The following AHCYL2 variants were observed in gnomAD, a reference collection of about 807,000 sequenced individuals.
The protein encoded by AHCYL2 is adenosylhomocysteinase like 2.
Under a neutral mutation model 81.4 loss-of-function variants are expected in AHCYL2, and 28 were observed. The observed-to-expected ratio is 0.34, with a 90% CI of 0.25 to 0.47. The LOEUF is 0.47. Among genes scored for constraint, AHCYL2 ranks in the 20% least tolerant of loss-of-function variants. The pLI is 1.00. For missense variants in AHCYL2, 551 were observed against 785.1 expected, an observed-to-expected ratio of 0.70 and a Z score of 3.56; for synonymous variants, 272 against 290.2, an observed-to-expected ratio of 0.94 and a Z score of 0.64.
chr7:129,292,159 C>T (rs1796889350), intron 1 of AHCYL2, among the ~76,000 whole-genome samples: 1 of 152,070 alleles, frequency 6.6e-6, no homozygotes, highest in South Asian at 2.1e-4. Context: ...AATTTGCTTA[C>T]CATCACTTTC....
intron 2 of AHCYL2, among the ~76,000 whole-genome samples, chr7:129,382,165 A>G (rs1442878976): frequency 1.3e-5 from 2 of 152,256 alleles, no homozygotes; most frequent in African/African-American, 4.8e-5. Flanking sequence ...GTTATATACA[A>G]TGATAGAAAA....
chr7:129,409,960 G>A (rs1308518290), intron 11 of AHCYL2, among the ~76,000 whole-genome samples: 1 of 150,444 alleles, frequency 6.6e-6, no homozygotes, highest in African/African-American at 2.5e-5. Context: ...AGCTTAGAGT[G>A]CAAGTGAAGC....
At chr7:129,240,684 A>G (rs1413758336) in intron 1 of AHCYL2, among the ~76,000 whole-genome samples, 1 of 151,572 alleles carries the variant, frequency 6.6e-6, no homozygotes, top group Non-Finnish European at 1.5e-5. Flanking sequence ...ATTGCTGGTT[A>G]AGCAGAGTTT....
intron 11 of AHCYL2, chr7:129,410,161 T>C (rs1460307615): frequency 1.9e-6 from 3 of 1,605,330 alleles, no homozygotes; most frequent in Non-Finnish European, 2.6e-6. Context: ...TGGGCTTGGG[T>C]TGGGGTTTAT....
At chr7:129,261,534 A>G (rs1051929002) in intron 1 of AHCYL2, among the ~76,000 whole-genome samples, 10 of 152,212 alleles carry the variant, frequency 6.6e-5, no homozygotes, top group African/African-American at 2.2e-4. Flanking sequence ...CTCTTAGTCT[A>G]ATACTTTTGT....
chr7:129,319,825 G>T (rs1477635375), intron 1 of AHCYL2, among the ~76,000 whole-genome samples: 1 of 152,140 alleles, frequency 6.6e-6, no homozygotes, highest in South Asian at 2.1e-4. Context: ...TGGACATTTG[G>T]GTGGTTTTCA....
At chr7:129,345,174 AG>A (rs1336618238) in intron 1 of AHCYL2, among the ~76,000 whole-genome samples, 4 of 152,136 alleles carry the variant, frequency 2.6e-5, no homozygotes, top group African/African-American at 7.2e-5. Context: ...TCAGTGGGAG[AG>A]GGTAAGAAGG....
chr7:129,243,307 G>A (rs1794932574), intron 1 of AHCYL2, among the ~76,000 whole-genome samples: 1 of 152,012 alleles, frequency 6.6e-6, no homozygotes, highest in South Asian at 2.1e-4. Flanking sequence ...ACAGGCGTGA[G>A]CCACCATGCC....
intron 1 of AHCYL2, chr7:129,375,858 G>A (rs1343328591): frequency 2.0e-6 from 3 of 1,535,804 alleles, no homozygotes; most frequent in African/African-American, 1.4e-5. Context: ...CAGTGGGGCT[G>A]GTAATGTCAC....
intron 1 of AHCYL2, among the ~76,000 whole-genome samples, chr7:129,254,688 C>A (rs1204257421): frequency 6.6e-6 from 1 of 152,170 alleles, no homozygotes; most frequent in Non-Finnish European, 1.5e-5. Flanking sequence ...CTGTGGATCA[C>A]TTTGGCTTTT....
chr7:129,390,846 C>T (rs1584870042), intron 4 of AHCYL2, among the ~76,000 whole-genome samples: 1 of 152,280 alleles, frequency 6.6e-6, no homozygotes, highest in African/African-American at 2.4e-5. Flanking sequence ...TTTGCTTACA[C>T]CAGTGATTCC....
At chr7:129,350,032 A>G (rs757588719) in intron 1 of AHCYL2, among the ~76,000 whole-genome samples, 4 of 152,224 alleles carry the variant, frequency 2.6e-5, no homozygotes, top group Non-Finnish European at 5.9e-5. Flanking sequence ...TTACTCAGAA[A>G]CATTTGTCCC....
intron 1 of AHCYL2, among the ~76,000 whole-genome samples, chr7:129,307,118 C>G (rs144920444): frequency 6.6e-6 from 1 of 152,138 alleles, no homozygotes; most frequent in Non-Finnish European, 1.5e-5. Flanking sequence ...TGCGTATGTT[C>G]ACTCAAGGCC....
intron 1 of AHCYL2, among the ~76,000 whole-genome samples, chr7:129,234,402 G>A (rs1794565372): frequency 6.6e-6 from 1 of 152,136 alleles, no homozygotes; most frequent in Non-Finnish European, 1.5e-5. Context: ...CCGCCACTGT[G>A]CCTGGCTAAT....
chr7:129,416,731 C>T lies in AHCYL2; in HGVS notation c.1461+3043C>T, dbSNP rs180788520. 5.3e-3 allele frequency among the ~76,000 whole-genome samples: 803 copies of T among 152,134 alleles called. 8 individuals carry two copies. Among genetic ancestry groups the T allele is most frequent in the African/African-American group, 0.019 (773 of 41,476 alleles). ...AGAAGAATTGCTTGAACCCGAGAGGCGGAGATTGCAGTGAGCCAAGATCGC... is the reference window on the plus strand; with the variant it reads ...AGAAGAATTGCTTGAACCCGAGAGGTGGAGATTGCAGTGAGCCAAGATCGC... On this transcript the variant is annotated intron_variant, in intron 12 of 16. Coordinates refer to ENST00000325006, the MANE Select transcript of AHCYL2 (RefSeq NM_015328.4).
chr7:129,390,264 T>C (rs1795403544), intron 4 of AHCYL2, among the ~76,000 whole-genome samples: 1 of 152,202 alleles, frequency 6.6e-6, no homozygotes, highest in Non-Finnish European at 1.5e-5. Context: ...ATTTACACTG[T>C]ATTGGGTACT....
chr7:129,255,119 G>A (rs2150708006), intron 1 of AHCYL2, among the ~76,000 whole-genome samples: 1 of 152,042 alleles, frequency 6.6e-6, no homozygotes, highest in South Asian at 2.1e-4. Flanking sequence ...AAATTAGCCG[G>A]GCATGGTGGC....
At chr7:129,314,355 A>G (rs1352737390) in intron 1 of AHCYL2, among the ~76,000 whole-genome samples, 1 of 152,216 alleles carries the variant, frequency 6.6e-6, no homozygotes, top group African/African-American at 2.4e-5. Context: ...ACCAGATTGT[A>G]AACTCATTGA....
intron 1 of AHCYL2, among the ~76,000 whole-genome samples, chr7:129,343,247 G>A (rs2150819005): frequency 6.6e-6 from 1 of 152,176 alleles, no homozygotes; most frequent in East Asian, 1.9e-4. Context: ...TTTCTTGCTT[G>A]GCATATCCGT....
Sources: gnomAD v4.1 joint callset for allele counts (sites outside exome capture counted in the v4.1 genomes callset) on GRCh38, gnomAD v4.1.1 for gene constraint, MANE v1.5 for transcripts, NCBI Gene and HGNC (gene_info 2026-07-23, HGNC 2026-07-21) for gene names.